IL12RB1: variants seen among roughly 807,000 people sequenced by gnomAD.
IL12RB1 encodes the protein interleukin-12 receptor subunit beta-1.
IL12RB1 carries 64 observed loss-of-function variants against 94.4 expected under a neutral mutation model. The observed-to-expected ratio is 0.68, with a 90% confidence interval of 0.55 to 0.83. The LOEUF is 0.83. Among genes scored for constraint, IL12RB1 ranks in the 40% least tolerant of loss-of-function variants. The pLI is 0.00. For synonymous variants in IL12RB1, 362 were observed against 355.5 expected, an observed-to-expected ratio of 1.02 and a Z score of -0.21; for missense variants, 814 against 855.6, an observed-to-expected ratio of 0.95 and a Z score of 0.61.
At chr19:18,084,367 C>T (rs1344970636) in intron 1 of IL12RB1, among the ~76,000 whole-genome samples, 1 of 149,202 alleles carries the variant, frequency 6.7e-6, no homozygotes, top group African/African-American at 2.5e-5. Context: ...CCCATTTATC[C>T]GTCCATTCGT....
intron 1 of IL12RB1, among the ~76,000 whole-genome samples, chr19:18,084,196 C>T (rs532412739): frequency 6.6e-6 from 1 of 151,488 alleles, no homozygotes; most frequent in Admixed American, 6.6e-5. Context: ...TCCATCCATC[C>T]ACGTATTCAT....
At chr19:18,078,398 C>G (rs530280506) in intron 4 of IL12RB1, among the ~76,000 whole-genome samples, 148 of 152,126 alleles carry the variant, frequency 9.7e-4, no homozygotes, top group African/African-American at 3.3e-3. Context: ...CAGAGCAAGA[C>G]TCTGTCTCAA....
chr19:18,081,854 GGATGGA>G (rs2035928091), intron 3 of IL12RB1, among the ~76,000 whole-genome samples: 1 of 93,764 alleles, frequency 1.1e-5, no homozygotes, highest in Non-Finnish European at 3.0e-5. Flanking sequence ...AAAAATGGAT[GGATGGA>G]TGGATGGATG....
intron 8 of IL12RB1, 47 bp from the exon 9 acceptor site, chr19:18,072,396 T>G (rs2035128941): frequency 8.1e-7 from 1 of 1,238,750 alleles, no homozygotes; most frequent in South Asian, 1.2e-5. Flanking sequence ...ATCACACTCA[T>G]CATCCCATAG....
intron 1 of IL12RB1, among the ~76,000 whole-genome samples, chr19:18,092,936 T>C (rs1254609110): frequency 6.6e-6 from 1 of 152,168 alleles, no homozygotes; most frequent in Non-Finnish European, 1.5e-5. Flanking sequence ...CTCACAAGAA[T>C]AAAATGTATT....
Position 18,066,044 on chromosome 19 carries a change from T to A in IL12RB1, c.1483+498A>T, listed in dbSNP as rs1406415466. ...CAGAGTGAGTCCCTGTCTATAAAAT[T>A]AAAAAAAAAAAAAAAAAGACCCTCA... On this transcript the variant is annotated intron_variant, in intron 12 of 16. Transcript: ENST00000593993. Among the ~76,000 whole-genome samples, 272 of 131,892 alleles carry A rather than the reference T, an allele frequency of 2.1e-3. 1 individual carries two copies. Among genetic ancestry groups the A allele is most frequent in the African/African-American group, 5.8e-3 (219 of 37,974 alleles). The allele number at this position is 131,892 out of a possible 152,430, so 86.5% of individuals were successfully genotyped here.
chr19:18,092,777 T>TA (rs11450736), intron 1 of IL12RB1, among the ~76,000 whole-genome samples: 33,499 of 151,312 alleles, frequency 0.22, 3,779 homozygotes, highest in African/African-American at 0.28. Context: ...GTGCTGGGAT[T>TA]ACAGGCATGA....
chr19:18,061,584 G>C lies in IL12RB1; in HGVS notation c.1716-387C>G, dbSNP rs571291342. The stretch of plus-strand genomic sequence containing the variant: ...CCAGTGTCACCGCCCCTTTCCATGG[G>C]AATGACCAAGGACCCAAAAGTTACT... On this transcript the variant is annotated intron_variant, in intron 14 of 16. Transcript: ENST00000593993. Among the ~76,000 whole-genome samples, 6 of 152,190 alleles carry C rather than the reference G, an allele frequency of 3.9e-5. No individual in the cohort carries two copies. The East Asian group carries it at 1.2e-3, about 29-fold the overall frequency.
intron 3 of IL12RB1, 76 bp from the exon 4 acceptor site, chr19:18,081,077 C>G: frequency 1.5e-6 from 2 of 1,320,934 alleles, no homozygotes; most frequent in South Asian, 1.2e-5. Context: ...TGCATCACAT[C>G]CCAGCATCGT....
At chr19:18,095,986 G>A (rs2036881547) in intron 1 of IL12RB1, among the ~76,000 whole-genome samples, 1 of 152,156 alleles carries the variant, frequency 6.6e-6, no homozygotes, top group East Asian at 1.9e-4. Flanking sequence ...CGCTTTGGGA[G>A]GCTGATGCAG....
At chr19:18,086,491 C>T (rs2036351434) in intron 1 of IL12RB1, among the ~76,000 whole-genome samples, 1 of 152,054 alleles carries the variant, frequency 6.6e-6, no homozygotes, top group African/African-American at 2.4e-5. Context: ...TACATACTTG[C>T]TTTTTATTCC....
At chr19:18,064,820 T>C (rs140149583) in intron 12 of IL12RB1, among the ~76,000 whole-genome samples, 27 of 152,166 alleles carry the variant, frequency 1.8e-4, no homozygotes, top group African/African-American at 4.8e-4. Context: ...GGAGGCAGGA[T>C]TGGACTCTGG....
At chr19:18,092,681 A>G (rs1438943430) in intron 1 of IL12RB1, among the ~76,000 whole-genome samples, 1 of 151,186 alleles carries the variant, frequency 6.6e-6, no homozygotes. Context: ...AAAAAAAAAA[A>G]AAAAAAGAAA....
chr19:18,068,396 C>T lies in IL12RB1; in HGVS notation c.1320G>A (p.Gly440=). The change falls in exon 11 of 17, where the codon GGG becomes GGA. Residue 440 remains glycine, a synonymous_variant. Coordinates refer to ENST00000593993, the MANE Select transcript of IL12RB1 (RefSeq NM_005535.3). ...WSTVLSTYHF[G]GNASAAGTPH... The stretch of plus-strand genomic sequence containing the variant: ...CAGGTTTGGGTCACTTACCATTGCC[C>T]CCAAAGTGGTAGGTGGACAGGACCG... 1.2e-6 allele frequency: 2 copies of T among 1,610,802 alleles called. No homozygotes were observed. The highest frequency in any genetic ancestry group is 1.7e-6 in the Non-Finnish European group (2 of 1,178,478).
intron 8 of IL12RB1, among the ~76,000 whole-genome samples, chr19:18,073,189 T>C (rs749915731): frequency 6.6e-6 from 1 of 151,996 alleles, no homozygotes; most frequent in African/African-American, 2.4e-5. Context: ...TTTTGGGACT[T>C]AAAGCAATAA....
At chr19:18,089,452 C>A (rs974928350), upstream of IL12RB1, among the ~76,000 whole-genome samples, 4 of 151,972 alleles carry the variant, frequency 2.6e-5, no homozygotes, top group African/African-American at 9.7e-5. Context: ...CAGTGAAACC[C>A]AGTCTCTACT....
intron 4 of IL12RB1, among the ~76,000 whole-genome samples, chr19:18,080,504 T>C (rs1206834770): frequency 6.6e-6 from 1 of 152,168 alleles, no homozygotes; most frequent in Non-Finnish European, 1.5e-5. Flanking sequence ...CCCAAAGTGC[T>C]GGGATTACAG....
At chr19:18,060,476 A>G (rs2034041862) in intron 15 of IL12RB1, among the ~76,000 whole-genome samples, 1 of 152,000 alleles carries the variant, frequency 6.6e-6, no homozygotes, top group Admixed American at 6.6e-5. Flanking sequence ...GAGACTCCAT[A>G]TATCCTGAGA....
chr19:18,064,139 T>C, intron 12 of IL12RB1, 129 bp from the exon 13 acceptor site: 21 of 210,050 alleles, frequency 1.0e-4, no homozygotes, highest in African/African-American at 6.1e-4. Context: ...TCTTTCTTTC[T>C]TTTTTTTTTT....
Sources: gnomAD v4.1 joint callset for allele counts (sites outside exome capture counted in the v4.1 genomes callset) on GRCh38, gnomAD v4.1.1 for gene constraint, MANE v1.5 for transcripts, NCBI Gene and HGNC (gene_info 2026-07-23, HGNC 2026-07-21) for gene names.